Variants in ZFAT observed in about 807,000 individuals in gnomAD.
ZFAT encodes the protein zinc finger protein ZFAT.
ZFAT carries 64 observed loss-of-function variants against 117.7 expected under a neutral mutation model. That is an observed-to-expected ratio of 0.54 (90% CI 0.44 to 0.67). The LOEUF (loss-of-function observed/expected upper bound fraction) is 0.67. Among genes scored for constraint, ZFAT ranks in the 30% least tolerant of loss-of-function variants. The pLI, the probability that ZFAT is intolerant of heterozygous loss-of-function variation, is 0.00. For synonymous variants in ZFAT, 679 were observed against 615.0 expected (o/e 1.10, Z -1.54); for missense variants, 1,433 against 1,584.5 (o/e 0.90, Z 1.62).
intron 2 of ZFAT, among the ~76,000 whole-genome samples, chr8:134,642,048 C>T (rs1830616617): frequency 6.6e-6 from 1 of 152,236 alleles, no homozygotes; most frequent in Admixed American, 6.5e-5. Context: ...CAGCTATTAT[C>T]TCATTTTAGC....
chr8:134,727,685 C>G, the ZFAT span, among the ~76,000 whole-genome samples: 1 of 152,002 alleles, frequency 6.6e-6, no homozygotes, highest in South Asian at 2.1e-4. Context: ...ATGTTAGGGG[C>G]GGGGAATCTT....
chr8:134,549,442 GA>G (rs34384490), intron 11 of ZFAT, among the ~76,000 whole-genome samples: 38,049 of 119,230 alleles, frequency 0.32, 5,718 homozygotes, highest in African/African-American at 0.42. Flanking sequence ...CTCCGTCTCA[GA>G]AAAAAAAAAA....
intron 1 of ZFAT, among the ~76,000 whole-genome samples, chr8:134,668,312 G>A (rs916041763): frequency 6.6e-6 from 1 of 152,188 alleles, no homozygotes; most frequent in Non-Finnish European, 1.5e-5. Flanking sequence ...ACCCTCAAGT[G>A]GGTCCCTGAC....
At chr8:134,568,311 T>TA (rs543844612) in intron 10 of ZFAT, among the ~76,000 whole-genome samples, 2 of 152,108 alleles carry the variant, frequency 1.3e-5, no homozygotes, top group South Asian at 2.1e-4. Context: ...AATTAGAACT[T>TA]AAAAAAAATA....
chr8:134,642,797 C>A (rs1181262646), intron 2 of ZFAT, among the ~76,000 whole-genome samples: 1 of 152,216 alleles, frequency 6.6e-6, no homozygotes, highest in Admixed American at 6.5e-5. Context: ...TCCTGAAAGA[C>A]TAACATTTTA....
the ZFAT span, among the ~76,000 whole-genome samples, chr8:134,828,927 G>GT: frequency 6.6e-6 from 1 of 152,180 alleles, no homozygotes; most frequent in Non-Finnish European, 1.5e-5. Flanking sequence ...AAATTTCAAG[G>GT]TAACGGTTTT....
chr8:134,706,150 C>T (rs945741773), intron 1 of ZFAT, among the ~76,000 whole-genome samples: 1 of 152,142 alleles, frequency 6.6e-6, no homozygotes, highest in Non-Finnish European at 1.5e-5. Context: ...CCAGAAATTC[C>T]ACTCCTATGT....
At chr8:134,567,374 A>G (rs1208289636) in intron 10 of ZFAT, among the ~76,000 whole-genome samples, 1 of 152,240 alleles carries the variant, frequency 6.6e-6, no homozygotes, top group East Asian at 1.9e-4. Flanking sequence ...ACACTGGTTT[A>G]GGTCCTCCTC....
the ZFAT span, among the ~76,000 whole-genome samples, chr8:134,779,731 G>T: frequency 6.6e-6 from 1 of 152,094 alleles, no homozygotes; most frequent in African/African-American, 2.4e-5. Flanking sequence ...CCATATTACA[G>T]CATGTTATGA....
At chr8:134,761,883 A>G in the ZFAT span, among the ~76,000 whole-genome samples, 4 of 151,916 alleles carry the variant, frequency 2.6e-5, no homozygotes, top group Admixed American at 6.6e-5. Context: ...GGTTGGCTAA[A>G]CTTGATTCAA....
the ZFAT span, among the ~76,000 whole-genome samples, chr8:134,777,720 T>C: frequency 6.6e-6 from 1 of 152,234 alleles, no homozygotes; most frequent in Non-Finnish European, 1.5e-5. Flanking sequence ...AATAAAATTA[T>C]ATGTAGAAAG....
At chr8:134,698,323 CAA>C (rs35465168) in intron 1 of ZFAT, among the ~76,000 whole-genome samples, 5 of 127,294 alleles carry the variant, frequency 3.9e-5, no homozygotes, top group Non-Finnish European at 1.6e-5. Flanking sequence ...GACTCCATCT[CAA>C]AAAAAAAAAA....
chr8:134,690,537 C>T (rs1259383748), intron 1 of ZFAT, among the ~76,000 whole-genome samples: 2 of 152,122 alleles, frequency 1.3e-5, no homozygotes, highest in Non-Finnish European at 2.9e-5. Flanking sequence ...ATATTGGGCT[C>T]AGTTATATAA....
intron 11 of ZFAT, among the ~76,000 whole-genome samples, chr8:134,544,112 C>G (rs575023305): frequency 1.3e-5 from 2 of 152,296 alleles, no homozygotes; most frequent in Admixed American, 1.3e-4. Flanking sequence ...TTCCCTAACT[C>G]TCCCAGGAAG....
chr8:134,567,427 C>T (rs1356755177), intron 10 of ZFAT, among the ~76,000 whole-genome samples: 1 of 151,730 alleles, frequency 6.6e-6, no homozygotes, highest in Non-Finnish European at 1.5e-5. Flanking sequence ...AGCTGGTTTC[C>T]TTGCCTTCAT....
At chr8:134,582,607 TAGAG>T (rs1563628869) in intron 10 of ZFAT, among the ~76,000 whole-genome samples, 1 of 152,192 alleles carries the variant, frequency 6.6e-6, no homozygotes, top group African/African-American at 2.4e-5. Flanking sequence ...GGATTTTTTT[TAGAG>T]AGAGTACTGC....
chr8:134,602,955 G>T (rs1249271642), intron 5 of ZFAT, 22 bp from the exon 6 acceptor site: 11 of 1,584,626 alleles, frequency 6.9e-6, no homozygotes, highest in African/African-American at 1.3e-5. Context: ...TGACAGCATG[G>T]TTACATCTGG....
chr8:134,671,208 G>A (rs201913684), intron 1 of ZFAT, among the ~76,000 whole-genome samples: 1 of 152,152 alleles, frequency 6.6e-6, no homozygotes, highest in Non-Finnish European at 1.5e-5. Context: ...TTCTGAAACT[G>A]TTCCAATCAA....
chr8:134,789,449 A>G, the ZFAT span, among the ~76,000 whole-genome samples: 1 of 152,222 alleles, frequency 6.6e-6, no homozygotes, highest in Non-Finnish European at 1.5e-5. Context: ...TTCTGCCTGA[A>G]GAACTCTCTT....
Sources: allele counts gnomAD v4.1 joint callset (sites outside exome capture counted in the v4.1 genomes callset), GRCh38; gene constraint gnomAD v4.1.1; transcripts MANE v1.5; gene names NCBI Gene and HGNC (gene_info 2026-07-23, HGNC 2026-07-21).